Variants in CTNNAL1 observed in about 807,000 individuals in gnomAD.
CTNNAL1 encodes the protein catenin alpha like 1.
A neutral mutation model predicts 93.6 loss-of-function variants in CTNNAL1; 69 were observed. The ratio of observed to expected loss-of-function variants is 0.74; its 90% CI spans 0.61 to 0.90. The LOEUF is 0.90. Ranked by LOEUF, CTNNAL1 falls within the 40% of genes least tolerant of loss-of-function variation. CTNNAL1 has a pLI of 0.00. For missense variants in CTNNAL1, 836 were observed against 862.0 expected, an observed-to-expected ratio of 0.97 and a Z score of 0.38; for synonymous variants, 286 against 305.4, an observed-to-expected ratio of 0.94 and a Z score of 0.66.
intron 1 of CTNNAL1, among the ~76,000 whole-genome samples, chr9:108,999,940 T>C (rs1826735263): frequency 6.6e-6 from 1 of 152,208 alleles, no homozygotes; most frequent in Non-Finnish European, 1.5e-5. Context: ...TGAACTATGC[T>C]GACATCTAAG....
chr9:108,986,776 CA>C (rs1391119592), intron 4 of CTNNAL1, among the ~76,000 whole-genome samples: 3 of 152,184 alleles, frequency 2.0e-5, no homozygotes, highest in African/African-American at 7.2e-5. Context: ...CTCTGATGGC[CA>C]GTGATGATAA....
chr9:108,955,655 A>G, intron 12 of CTNNAL1, 135 bp downstream of exon 12: 1 of 768,262 alleles, frequency 1.3e-6, no homozygotes, highest in South Asian at 1.6e-5. Context: ...AACAACTCTG[A>G]AGTCAACATT....
intron 8 of CTNNAL1, 31 bp from the exon 9 acceptor site, chr9:108,972,864 G>GGGCGGCCCCCCCCC: frequency 7.0e-6 from 1 of 142,580 alleles, no homozygotes; most frequent in Non-Finnish European, 1.0e-5. Flanking sequence ...GGGGGGGTGG[G>GGGCGGCCCCCCCCC]AGGGTGGAGA....
intron 11 of CTNNAL1, 117 bp from the exon 12 acceptor site, chr9:108,955,944 A>G (rs1402172394): frequency 3.3e-5 from 20 of 610,372 alleles, no homozygotes; most frequent in Non-Finnish European, 4.9e-5. Flanking sequence ...ATTAGTTTTG[A>G]TAACAGTCTA....
chr9:108,991,894 A>G, intron 3 of CTNNAL1: 3 of 612,468 alleles, frequency 4.9e-6, no homozygotes, highest in South Asian at 3.6e-5. Context: ...ATGATCATGG[A>G]GCATGACCAT....
At chr9:108,996,054 T>A (rs968311228) in intron 2 of CTNNAL1, among the ~76,000 whole-genome samples, 1 of 151,814 alleles carries the variant, frequency 6.6e-6, no homozygotes, top group African/African-American at 2.4e-5. Context: ...CTCAACCTCC[T>A]TGGGCTCAAA....
rs1336340777 is a variant in CTNNAL1, at chr9:108,987,242, C to T, written c.640-2806G>A. Among the ~76,000 whole-genome samples the T allele has an allele frequency of 2.0e-5, 3 of 151,918 alleles. No homozygotes were observed. In the East Asian group the frequency reaches 5.8e-4, roughly 29 times the overall value. The stretch of plus-strand genomic sequence containing the variant: ...GAAGGGATCCAGTTTCAGCTTTCTA[C>T]ATATGGCTAGCCAGTTTTCCCAGCA... On this transcript the variant is annotated intron_variant, in intron 4 of 18. Coordinates refer to ENST00000325551, the MANE Select transcript of CTNNAL1 (RefSeq NM_003798.4).
Position 108,952,504 on chromosome 9 carries a change from T to C in CTNNAL1, c.1630-10A>G. On this transcript the variant is annotated splice_polypyrimidine_tract_variant and intron_variant, in intron 12 of 18. Transcript: ENST00000325551. ...GGTTTGCATTATTCTTCTGTGACAA[T>C]AAAAAGATTAAGATTATCTTAAAAA... 6.2e-7 allele frequency: 1 copy of C among 1,613,988 alleles called. No homozygotes were observed.
chr9:108,978,815 C>A (rs906110160), intron 7 of CTNNAL1, among the ~76,000 whole-genome samples: 1 of 152,132 alleles, frequency 6.6e-6, no homozygotes, highest in African/African-American at 2.4e-5. Flanking sequence ...GAATCTACAC[C>A]CCAATAAGTT....
intron 11 of CTNNAL1, among the ~76,000 whole-genome samples, chr9:108,957,706 G>A (rs889820515): frequency 1.3e-5 from 2 of 152,198 alleles, no homozygotes; most frequent in Admixed American, 1.3e-4. Context: ...ATTAACAGAA[G>A]ATAGTCTTCC....
chr9:108,959,863 A>G (rs1456616662), intron 11 of CTNNAL1, among the ~76,000 whole-genome samples: 2 of 152,158 alleles, frequency 1.3e-5, no homozygotes, highest in South Asian at 2.1e-4. Flanking sequence ...TAAGTTCACA[A>G]TTAAGTTTAA....
intron 3 of CTNNAL1, chr9:108,991,877 T>C (rs1418012229): frequency 5.2e-6 from 3 of 580,854 alleles, no homozygotes; most frequent in Non-Finnish European, 9.2e-6. Flanking sequence ...ATACCCTGGA[T>C]TCCCAGATGA....
In CTNNAL1 at chr9:108,994,858, G is replaced by A. The variant is rs551752195; in HGVS notation, c.332-2039C>T. Among the ~76,000 whole-genome samples the A allele has an allele frequency of 4.6e-5, 7 of 152,314 alleles. No individual in the cohort carries two copies. In the East Asian group the frequency reaches 1.2e-3, roughly 25 times the overall value. Reference sequence around the variant, plus strand: ...AGAGAAGCCAGTTGCCATGTCATAAGCAGCCCTTACTACACAGATAACTAC... The same window carrying A: ...AGAGAAGCCAGTTGCCATGTCATAAACAGCCCTTACTACACAGATAACTAC... On this transcript the variant is annotated intron_variant, in intron 2 of 18. Transcript: ENST00000325551.
intron 1 of CTNNAL1, among the ~76,000 whole-genome samples, chr9:109,002,835 A>T (rs1170808425): frequency 1.3e-5 from 2 of 150,172 alleles, no homozygotes; most frequent in Non-Finnish European, 3.0e-5. Context: ...AAAAAAAAAA[A>T]GAAAAAAGTT....
chr9:108,979,310 G>A lies in CTNNAL1; in HGVS notation c.1072C>T (p.Gln358Ter). The change falls in exon 7 of 19, where the codon CAG (glutamine) becomes TAG (stop). Residue 358 changes from glutamine (Q) to a stop codon, truncating the protein, a stop_gained. Coordinates refer to ENST00000325551, the MANE Select transcript of CTNNAL1 (RefSeq NM_003798.4). LOFTEE classifies it high-confidence loss of function. ...TGAATCCACACAGAAATTAACTGCT[G>A]CAGTTCCATTCTCGCCTGAGTTGAC... is the stretch of plus-strand genomic sequence containing the variant. ...ELSTQARMELQQLISVWIQAQ... is the reference protein window; with the variant it reads ...ELSTQARMEL The A allele has an allele frequency of 6.2e-7, 1 of 1,614,118 alleles. No individual in the cohort carries two copies. The highest frequency in any genetic ancestry group is 8.5e-7 in the Non-Finnish European group (1 of 1,180,014).
chr9:108,965,586 T>C (rs776890952), intron 10 of CTNNAL1, 58 bp from the exon 11 acceptor site: 4 of 1,009,840 alleles, frequency 4.0e-6, no homozygotes, highest in Non-Finnish European at 5.5e-6. Flanking sequence ...TCAGAATCAC[T>C]TTGAAGACCA....
chr9:109,010,069 C>G (rs1221934868), intron 1 of CTNNAL1, among the ~76,000 whole-genome samples: 1 of 152,034 alleles, frequency 6.6e-6, no homozygotes. Context: ...GTTGGCCAGG[C>G]TGGAGCACAG....
chr9:108,977,480 A>T (rs963672841), intron 7 of CTNNAL1: 9 of 152,524 alleles, frequency 5.9e-5, no homozygotes, highest in African/African-American at 2.2e-4. Context: ...GCTTTCTCAG[A>T]TCACTCAATC....
In CTNNAL1 at chr9:108,972,814, T is replaced by A. The variant is rs748578528; in HGVS notation, c.1208A>T (p.Gln403Leu). 5.4e-6 allele frequency: 8 copies of A among 1,481,670 alleles called. No individual in the cohort carries two copies. The East Asian group carries it at 2.4e-4, about 44-fold the overall frequency. The allele number at this position is 1,481,670 out of a possible 1,614,324, so 91.8% of individuals were successfully genotyped here. A position where few individuals can be genotyped will look rare whatever the true frequency, so the allele number is the denominator to read the frequency against. ...LKKELHSTAT[Q>L]LAADLLKYHA... is the part of the protein sequence containing the mutation. ...GTATTTTAATAGATCTGCTGCCAGC[T>A]GTGTCGCTGTACTATGAAGCTGCAG... The change falls in exon 9 of 19, where the codon CAG becomes CTG. Residue 403 changes from glutamine (Q) to leucine (L), a missense_variant. Gln to Leu is a moderately radical substitution (Grantham distance 113, BLOSUM62 -2). Coordinates refer to ENST00000325551, the MANE Select transcript of CTNNAL1 (RefSeq NM_003798.4).
Sources: allele counts gnomAD v4.1 joint callset (sites outside exome capture counted in the v4.1 genomes callset), GRCh38; gene constraint gnomAD v4.1.1; transcripts MANE v1.5; gene names NCBI Gene and HGNC (gene_info 2026-07-23, HGNC 2026-07-21).